TEX11: variants seen among roughly 807,000 people sequenced by gnomAD.
The protein encoded by TEX11 is testis-expressed protein 11.
Under a neutral mutation model 84.4 loss-of-function variants are expected in TEX11, and 7 were observed. That is an observed-to-expected ratio of 0.08 (90% confidence interval 0.05 to 0.16). The LOEUF (loss-of-function observed/expected upper bound fraction) is 0.16. TEX11 is among the 10% of genes least tolerant of loss of function. The probability of loss-of-function intolerance (pLI) is 1.00; values close to 1 mark genes in which losing one functional copy is unlikely to be tolerated. For synonymous variants in TEX11, 264 were observed against 222.8 expected (o/e 1.18, Z -1.64); for missense variants, 551 against 660.5 (o/e 0.83, Z 1.82).
chrX:70,644,089 A>AC (rs1370262128), intron 17 of TEX11, among the ~76,000 whole-genome samples: 2 of 95,559 alleles, frequency 2.1e-5, no homozygotes, highest in Non-Finnish European at 4.3e-5. Flanking sequence ...AAAAAAAACA[A>AC]CCCCATCAAA....
chrX:70,799,940 C>T (rs1304220149), intron 9 of TEX11, among the ~76,000 whole-genome samples: 1 of 111,312 alleles, frequency 9.0e-6, no homozygotes, highest in South Asian at 3.8e-4. Context: ...TAATTTTTTC[C>T]TCACAAATTG....
At chrX:70,813,746 T>C (rs1227942070) in intron 8 of TEX11, among the ~76,000 whole-genome samples, 8 of 111,830 alleles carry the variant, frequency 7.2e-5, no homozygotes, top group Middle Eastern at 4.6e-3. Context: ...GCAACTTCAG[T>C]AAAGTCTCAG....
intron 8 of TEX11, among the ~76,000 whole-genome samples, chrX:70,817,230 TAC>T (rs201239481): frequency 1.3e-3 from 115 of 85,516 alleles, no homozygotes; most frequent in Middle Eastern, 6.8e-3. Flanking sequence ...CACATACACA[TAC>T]ACACACACAC....
chrX:70,643,751 A>C (rs1276856568), intron 17 of TEX11, among the ~76,000 whole-genome samples: 3 of 101,635 alleles, frequency 3.0e-5, no homozygotes, highest in African/African-American at 1.1e-4. Flanking sequence ...CCTTCCTTAC[A>C]CCTTATACAA....
At chrX:70,634,043 A>G (rs1216986343) in intron 17 of TEX11, among the ~76,000 whole-genome samples, 1 of 112,640 alleles carries the variant, frequency 8.9e-6, no homozygotes, top group Non-Finnish European at 1.9e-5. Context: ...ATATAAGATC[A>G]ATATACAAGA....
chrX:70,609,908 A>G (rs2089239110), intron 21 of TEX11, among the ~76,000 whole-genome samples: 1 of 110,829 alleles, frequency 9.0e-6, no homozygotes, highest in Non-Finnish European at 1.9e-5. Flanking sequence ...TAGCTTGAAT[A>G]AAGTGGACAG....
intron 13 of TEX11, among the ~76,000 whole-genome samples, chrX:70,706,039 G>C (rs1463546227): frequency 1.8e-5 from 2 of 110,932 alleles, no homozygotes; most frequent in South Asian, 3.8e-4. Context: ...TTCACAATAG[G>C]AAAGACTTGG....
chrX:70,718,685 A>C (rs2090528688), intron 13 of TEX11, among the ~76,000 whole-genome samples: 1 of 112,006 alleles, frequency 8.9e-6, no homozygotes, highest in East Asian at 2.8e-4. Flanking sequence ...TCCCCTTCAG[A>C]ACTGAAGTAT....
chrX:70,609,144 T>A lies in TEX11; in HGVS notation c.1826A>T (p.Glu609Val). 8.3e-7 allele frequency: 1 copy of A among 1,206,659 alleles called. No individual in the cohort carries two copies. Among genetic ancestry groups the A allele is most frequent in the African/African-American group, 1.7e-5 (1 of 57,697 alleles). Residue 609 changes from glutamate (E) to valine (V), a missense_variant, in exon 22 of 30, where the codon GAA becomes GTA. Transcript: ENST00000374333. ...AGCTCTTGACTCCAAACTTAAGGCTTCTTCACCAAAAGGCTGAGAAAGTTT... is the reference window on the plus strand; with the variant it reads ...AGCTCTTGACTCCAAACTTAAGGCTACTTCACCAAAAGGCTGAGAAAGTTT... ...FVKLSQPFGE[E>V]ALSLESRANE...
chrX:70,864,127 C>T, intron 4 of TEX11, among the ~76,000 whole-genome samples: 1 of 111,440 alleles, frequency 9.0e-6, no homozygotes, highest in Non-Finnish European at 1.9e-5. Flanking sequence ...CTGAAAGTGA[C>T]AGGGAGAATG....
intron 8 of TEX11, among the ~76,000 whole-genome samples, chrX:70,817,285 A>G (rs1366732537): frequency 9.1e-6 from 1 of 109,523 alleles, no homozygotes; most frequent in African/African-American, 3.3e-5. Context: ...ACACACACAC[A>G]CATATGCTCT....
intron 13 of TEX11, 32 bp from the exon 14 acceptor site, chrX:70,682,857 G>A (rs368782277): frequency 1.2e-4 from 140 of 1,185,260 alleles, no homozygotes; most frequent in Middle Eastern, 9.4e-4. Flanking sequence ...TAAGCAATGC[G>A]AACAGAAAAA....
chrX:70,853,471 G>T (rs1227775543), intron 5 of TEX11, 143 bp from the exon 6 acceptor site: 1 of 451,059 alleles, frequency 2.2e-6, no homozygotes, highest in African/African-American at 2.5e-5. Flanking sequence ...GTTAGCATTT[G>T]TTAGAGTTCT....
intron 16 of TEX11, among the ~76,000 whole-genome samples, chrX:70,659,835 A>T (rs760137021): frequency 1.2e-4 from 13 of 112,420 alleles, no homozygotes; most frequent in Non-Finnish European, 2.3e-4. Flanking sequence ...GAAAGGATAA[A>T]CAAAATGTGG....
chrX:70,719,439 T>A (rs1225093386), intron 13 of TEX11, among the ~76,000 whole-genome samples: 2 of 111,753 alleles, frequency 1.8e-5, no homozygotes, highest in African/African-American at 6.5e-5. Context: ...CAAATAAATA[T>A]GCTTCACTGG....
chrX:70,754,736 G>GGAGA (rs747585067), intron 9 of TEX11, among the ~76,000 whole-genome samples: 1 of 108,750 alleles, frequency 9.2e-6, no homozygotes, highest in Non-Finnish European at 1.9e-5. Context: ...AGGTAGCTCA[G>GGAGA]GAGAGAGAGA....
At chrX:70,529,390 C>A (rs1253402678) in intron 29 of TEX11, among the ~76,000 whole-genome samples, 2 of 111,974 alleles carry the variant, frequency 1.8e-5, no homozygotes, top group Non-Finnish European at 3.8e-5. Flanking sequence ...ATAAAATATC[C>A]TTTGCTCTTA....
chrX:70,587,607 G>C, intron 25 of TEX11, among the ~76,000 whole-genome samples: 1 of 112,519 alleles, frequency 8.9e-6, no homozygotes, highest in East Asian at 2.8e-4. Flanking sequence ...GAAGTTTGCT[G>C]CAGGGGTGGA....
At chrX:70,883,776 T>C (rs1054464958) in intron 2 of TEX11, among the ~76,000 whole-genome samples, 2 of 112,317 alleles carry the variant, frequency 1.8e-5, no homozygotes, top group Admixed American at 1.9e-4. Context: ...GTTCACTCGA[T>C]TGAGGCAGCC....
Sources: allele counts gnomAD v4.1 joint callset (sites outside exome capture counted in the v4.1 genomes callset), GRCh38; gene constraint gnomAD v4.1.1; transcripts MANE v1.5; gene names NCBI Gene and HGNC (gene_info 2026-07-23, HGNC 2026-07-21).